Variants in LSAMP observed in about 807,000 individuals in gnomAD.
The protein encoded by LSAMP is limbic system associated membrane protein.
LSAMP carries 7 observed loss-of-function variants against 38.6 expected under a neutral mutation model. The observed-to-expected ratio is 0.18, with a 90% CI of 0.10 to 0.34. The LOEUF is 0.34. LSAMP is among the 10% of genes least tolerant of loss of function. The pLI is 1.00. For synonymous variants in LSAMP, 154 were observed against 166.8 expected (o/e 0.92, Z 0.59); for missense variants, 313 against 420.0 (o/e 0.75, Z 2.23).
At chr3:116,260,114 A>G (rs1257484229) in intron 1 of LSAMP, among the ~76,000 whole-genome samples, 1 of 152,136 alleles carries the variant, frequency 6.6e-6, no homozygotes, top group Non-Finnish European at 1.5e-5. Context: ...CATTCAGAAG[A>G]TGGTTTTATG....
chr3:115,815,815 G>A (rs1365109837), intron 6 of LSAMP, among the ~76,000 whole-genome samples: 1 of 152,204 alleles, frequency 6.6e-6, no homozygotes, highest in Non-Finnish European at 1.5e-5. Flanking sequence ...CTGTTTCCAA[G>A]TATATATTCA....
chr3:116,059,926 A>G (rs573484948), intron 2 of LSAMP, among the ~76,000 whole-genome samples: 3 of 152,282 alleles, frequency 2.0e-5, no homozygotes, highest in Admixed American at 6.5e-5. Context: ...TGTCCCCACC[A>G]CTTGGAGTTC....
At chr3:116,036,762 TC>T (rs1941056697) in intron 2 of LSAMP, among the ~76,000 whole-genome samples, 1 of 152,178 alleles carries the variant, frequency 6.6e-6, no homozygotes. Context: ...AGTCACAACT[TC>T]CATTCACAAC....
chr3:116,403,578 G>A (rs1396207129), intron 1 of LSAMP, among the ~76,000 whole-genome samples: 1 of 152,042 alleles, frequency 6.6e-6, no homozygotes, highest in Non-Finnish European at 1.5e-5. Context: ...ATAAAATTTA[G>A]CTAAAAGTCT....
At chr3:116,075,098 A>C (rs1707707584) in intron 2 of LSAMP, among the ~76,000 whole-genome samples, 1 of 150,982 alleles carries the variant, frequency 6.6e-6, no homozygotes, top group African/African-American at 2.4e-5. Context: ...TTGGCCTCTC[A>C]AAGTGCTGGG....
intron 1 of LSAMP, among the ~76,000 whole-genome samples, chr3:116,221,547 CAT>C (rs1005236885): frequency 1.7e-4 from 26 of 152,292 alleles, no homozygotes; most frequent in East Asian, 5.8e-4. Flanking sequence ...TTTCCAAAGA[CAT>C]GTGTTTGTGT....
chr3:116,323,297 C>CT (rs1024032203), intron 1 of LSAMP, among the ~76,000 whole-genome samples: 45 of 151,972 alleles, frequency 3.0e-4, no homozygotes, highest in South Asian at 4.1e-4. Context: ...TTTTGCATAC[C>CT]TTTTTTTTCC....
At chr3:116,159,248 T>G (rs1294848257) in intron 1 of LSAMP, among the ~76,000 whole-genome samples, 3 of 151,926 alleles carry the variant, frequency 2.0e-5, no homozygotes, top group African/African-American at 7.3e-5. Flanking sequence ...AAACAAAAAT[T>G]GACAAATGGG....
At chr3:115,828,371 T>C (rs970827049) in intron 6 of LSAMP, among the ~76,000 whole-genome samples, 1 of 152,206 alleles carries the variant, frequency 6.6e-6, no homozygotes, top group Non-Finnish European at 1.5e-5. Flanking sequence ...GTTTCCTCTA[T>C]GTACTACCAC....
At chr3:116,124,679 T>C (rs1708964416) in intron 1 of LSAMP, among the ~76,000 whole-genome samples, 2 of 152,056 alleles carry the variant, frequency 1.3e-5, no homozygotes, top group South Asian at 2.1e-4. Context: ...AGAATAAATA[T>C]TCTCCATTAA....
At chr3:116,338,568 G>A (rs956745303) in intron 1 of LSAMP, among the ~76,000 whole-genome samples, 1 of 151,944 alleles carries the variant, frequency 6.6e-6, no homozygotes, top group African/African-American at 2.4e-5. Context: ...TTCAATTCAG[G>A]TAGGTAGTGC....
chr3:115,907,610 T>G (rs1937039618), intron 3 of LSAMP, among the ~76,000 whole-genome samples: 1 of 152,174 alleles, frequency 6.6e-6, no homozygotes, highest in Admixed American at 6.6e-5. Context: ...CTCTTCGGGC[T>G]ACTTCCCCAG....
intron 1 of LSAMP, among the ~76,000 whole-genome samples, chr3:116,113,252 G>T (rs1459658824): frequency 6.6e-6 from 1 of 150,736 alleles, no homozygotes; most frequent in Non-Finnish European, 1.5e-5. Context: ...AAAAGAATAA[G>T]AATGTTTGTA....
intron 3 of LSAMP, among the ~76,000 whole-genome samples, chr3:115,873,311 A>T (rs1936097189): frequency 6.6e-6 from 1 of 151,028 alleles, no homozygotes; most frequent in African/African-American, 2.4e-5. Flanking sequence ...TGAACCTGGG[A>T]GGTGGAAGTT....
At chr3:115,996,049 A>G (rs911648767) in intron 3 of LSAMP, among the ~76,000 whole-genome samples, 5 of 152,012 alleles carry the variant, frequency 3.3e-5, no homozygotes, top group African/African-American at 4.8e-5. Context: ...TATACTTTAG[A>G]ATATATTTAA....
At chr3:115,923,817 A>G (rs1937437684) in intron 3 of LSAMP, among the ~76,000 whole-genome samples, 1 of 152,112 alleles carries the variant, frequency 6.6e-6, no homozygotes. Context: ...TTACCAGAGA[A>G]TTACTCCCCC....
intron 3 of LSAMP, among the ~76,000 whole-genome samples, chr3:115,976,754 T>C (rs924061074): frequency 6.6e-5 from 10 of 152,132 alleles, no homozygotes; most frequent in Admixed American, 1.3e-4. Context: ...TGCATCCTGA[T>C]GGTTTAAAGG....
At chr3:116,344,112 A>G (rs997549827) in intron 1 of LSAMP, among the ~76,000 whole-genome samples, 2 of 152,094 alleles carry the variant, frequency 1.3e-5, no homozygotes, top group Non-Finnish European at 2.9e-5. Context: ...CCTGGCTCCT[A>G]TGGAAGCACG....
At chr3:116,079,873 T>A (rs1707835363) in intron 2 of LSAMP, among the ~76,000 whole-genome samples, 2 of 152,034 alleles carry the variant, frequency 1.3e-5, no homozygotes, top group Non-Finnish European at 2.9e-5. Context: ...TTCAAAAAAT[T>A]GCCTTTAATA....
Sources: allele counts gnomAD v4.1 joint callset (sites outside exome capture counted in the v4.1 genomes callset), GRCh38; gene constraint gnomAD v4.1.1; transcripts MANE v1.5; gene names NCBI Gene and HGNC (gene_info 2026-07-23, HGNC 2026-07-21).